KIF7: variants seen among roughly 807,000 people sequenced by gnomAD.
KIF7 encodes kinesin-like protein KIF7.
A neutral mutation model predicts 135.7 loss-of-function variants in KIF7; 104 were observed. The observed-to-expected ratio is 0.77, with a 90% CI of 0.65 to 0.90. The LOEUF (loss-of-function observed/expected upper bound fraction) is 0.90. KIF7 is among the 40% of genes least tolerant of loss of function. The pLI is 0.00. For missense variants in KIF7, 2,005 were observed against 1,839.1 expected (o/e 1.09, Z -1.65); for synonymous variants, 883 against 809.4 (o/e 1.09, Z -1.54).
intron 2 of KIF7, among the ~76,000 whole-genome samples, chr15:89,650,393 A>G (rs1015664641): frequency 6.6e-6 from 1 of 152,182 alleles, no homozygotes; most frequent in Non-Finnish European, 1.5e-5. Flanking sequence ...GATCTGGCCA[A>G]ATCAACTTTT....
At chr15:89,620,657 T>C (rs1418338632) in intron 1 of KIF7, among the ~76,000 whole-genome samples, 1 of 150,572 alleles carries the variant, frequency 6.6e-6, no homozygotes, top group African/African-American at 2.4e-5. Flanking sequence ...TTTTCCCGAG[T>C]TGCTCTCAAA....
At chr15:89,631,761 A>T in intron 14 of KIF7, 51 bp from the exon 15 acceptor site, 1 of 1,454,602 alleles carries the variant, frequency 6.9e-7, no homozygotes, top group South Asian at 1.3e-5. Flanking sequence ...CTGTCCTCAC[A>T]GGGGGGACAG....
intron 11 of KIF7, among the ~76,000 whole-genome samples, chr15:89,635,715 A>C (rs1226951150): frequency 1.3e-5 from 2 of 152,168 alleles, no homozygotes; most frequent in Non-Finnish European, 1.5e-5. Flanking sequence ...TGTACCTGAA[A>C]GTGACGGGGA....
downstream of KIF7, chr15:89,626,023 A>G (rs1408589996): frequency 6.2e-7 from 1 of 1,613,670 alleles, no homozygotes; most frequent in East Asian, 2.2e-5. Flanking sequence ...CTGCTGTTCC[A>G]GGGGAAAACA....
downstream of KIF7, chr15:89,624,666 C>T (rs1055701548): frequency 1.9e-6 from 3 of 1,613,976 alleles, no homozygotes; most frequent in African/African-American, 2.7e-5. Flanking sequence ...GGCATGCATC[C>T]TCTCCTCTGC....
chr15:89,628,967 A>G lies in KIF7; in HGVS notation c.3664+9T>C. 2 of 1,613,784 alleles carry G rather than the reference A, an allele frequency of 1.2e-6. No homozygotes were observed. Among genetic ancestry groups the G allele is most frequent in the African/African-American group, 1.3e-5 (1 of 74,922 alleles). On this transcript the variant is annotated intron_variant, in intron 18 of 18. Transcript: ENST00000394412. The stretch of plus-strand genomic sequence containing the variant: ...ACAGGTCTGACTTCAGAGCGCGACG[A>G]GGAGTTACCCCTGCTGTGGCCTACA...
intron 2 of KIF7, among the ~76,000 whole-genome samples, chr15:89,650,880 A>C (rs1360673852): frequency 6.6e-6 from 1 of 151,688 alleles, no homozygotes; most frequent in African/African-American, 2.4e-5. Context: ...CTGGCCTAAA[A>C]AGTTAGATTG....
intron 8 of KIF7, 53 bp from the exon 9 acceptor site, chr15:89,645,504 A>C: frequency 7.1e-7 from 1 of 1,407,094 alleles, no homozygotes; most frequent in Non-Finnish European, 9.9e-7. Flanking sequence ...GCCCCAGCCT[A>C]GCCACCCCCA....
At chr15:89,618,249 C>T in intron 1 of KIF7, 4 of 1,584,182 alleles carry the variant, frequency 2.5e-6, no homozygotes, top group Non-Finnish European at 3.5e-6. Flanking sequence ...GCAATCTACC[C>T]AGCTTCTATG....
At chr15:89,638,746 T>C (rs1461794190) in intron 11 of KIF7, among the ~76,000 whole-genome samples, 4 of 151,706 alleles carry the variant, frequency 2.6e-5, no homozygotes, top group Non-Finnish European at 5.9e-5. Context: ...TTCAATGCCA[T>C]CCCCATCAAG....
At chr15:89,618,186 G>A (rs1257089501) in exon 2 of KIF7, 3 of 1,614,170 alleles carry the variant, frequency 1.9e-6, no homozygotes, top group Non-Finnish European at 1.7e-6. Flanking sequence ...TGGTGTTGTT[G>A]AAGAGTCCCC....
At position 89,648,408 on chromosome 15, in the gene KIF7, G is replaced by A. The variant is rs886051534; in HGVS notation, c.1290C>T (p.Pro430=). The change falls in exon 5 of 19, where the codon CCC becomes CCT. Residue 430 remains proline (P), a synonymous_variant. Transcript: ENST00000394412. The part of the protein sequence containing the change: ...YSLLRELQAE[P]GLPGAAARKV... ...TGCGGGCGGCGGCGCCGGGCAGCCC[G>A]GGCTCGGCCTGCAGCTCGCGCAAGA... is the stretch of plus-strand genomic sequence containing the variant. The A allele has an allele frequency of 5.4e-5, 61 of 1,137,564 alleles. No homozygotes were observed. The highest frequency in any genetic ancestry group is 6.0e-5 in the Non-Finnish European group (56 of 927,456). 70.5% of individuals were successfully genotyped at this position (1,137,564 alleles called of 1,614,324 possible).
downstream of KIF7, among the ~76,000 whole-genome samples, chr15:89,623,113 G>A (rs141302443): frequency 6.6e-6 from 1 of 152,344 alleles, no homozygotes; most frequent in Non-Finnish European, 1.5e-5. Context: ...TTATTGGGGA[G>A]TGTCTTTTCT....
In KIF7 at chr15:89,642,417, C is replaced by T. The variant is rs1415207201; in HGVS notation, c.2192-12G>A. ...CTGAGCTGCCTTTCCTGGAAGAAAG[C>T]GGGAATGTCAGCACAGGCAGCCCTG... is the stretch of plus-strand genomic sequence containing the variant. On this transcript the variant is annotated splice_polypyrimidine_tract_variant and intron_variant, in intron 10 of 18. Transcript: ENST00000394412. 4 of 1,584,250 alleles carry T rather than the reference C, an allele frequency of 2.5e-6. No individual in the cohort carries two copies. The East Asian group carries it at 6.9e-5, about 27-fold the overall frequency.
intron 14 of KIF7, among the ~76,000 whole-genome samples, chr15:89,632,282 G>C: frequency 6.6e-6 from 1 of 152,182 alleles, no homozygotes; most frequent in East Asian, 1.9e-4. Context: ...CAGCCATCAT[G>C]GTAACATTAT....
chr15:89,661,510 TTGTGTTCTGGA>T, the KIF7 span, among the ~76,000 whole-genome samples: 1 of 152,242 alleles, frequency 6.6e-6, no homozygotes, highest in South Asian at 2.1e-4. Flanking sequence ...AAGGTACTGC[TTGTGTTCTGGA>T]TGTAGAGCAG....
In KIF7 at chr15:89,630,457, C is replaced by G. The variant is rs983384787; in HGVS notation, c.3148G>C (p.Glu1050Gln). The stretch of plus-strand genomic sequence containing the variant: ...TACTCAATGGCAGCATCCAGGGCCT[C>G]GATGGCCTCATCCAACTGGAACAGC... ...RTLFQLDEAI[E>Q]ALDAAIEYKN... Residue 1050 changes from glutamate to glutamine, a missense_variant, in exon 16 of 19, where the codon GAG becomes CAG. Transcript: ENST00000394412. The G allele has an allele frequency of 3.2e-6, 5 of 1,569,952 alleles. No individual in the cohort carries two copies. The highest frequency in any genetic ancestry group is 4.3e-6 in the Non-Finnish European group (5 of 1,157,228).
intron 15 of KIF7, chr15:89,630,791 G>C (rs184102834): frequency 6.0e-6 from 3 of 496,824 alleles, no homozygotes; most frequent in Admixed American, 3.3e-5. Flanking sequence ...GGACAGCCAC[G>C]GAGGCACCAC....
At chr15:89,638,762 A>G (rs920492275) in intron 11 of KIF7, among the ~76,000 whole-genome samples, 9 of 151,990 alleles carry the variant, frequency 5.9e-5, no homozygotes, top group Admixed American at 6.6e-5. Flanking sequence ...TCAAGCTACC[A>G]ATGACTTTCT....
Sources: gnomAD v4.1 joint callset for allele counts (sites outside exome capture counted in the v4.1 genomes callset) on GRCh38, gnomAD v4.1.1 for gene constraint, MANE v1.5 for transcripts, NCBI Gene and HGNC (gene_info 2026-07-23, HGNC 2026-07-21) for gene names.